KIF3A: variants seen among roughly 807,000 people sequenced by gnomAD.
KIF3A encodes the protein kinesin-like protein KIF3A.
A neutral mutation model predicts 92.6 loss-of-function variants in KIF3A; 27 were observed. The ratio of observed to expected loss-of-function variants is 0.29; its 90% CI spans 0.21 to 0.40. The LOEUF is 0.40. Ranked by LOEUF, KIF3A falls within the 10% of genes least tolerant of loss-of-function variation. The pLI is 1.00. For missense variants in KIF3A, 581 were observed against 872.6 expected (o/e 0.67, Z 4.21); for synonymous variants, 250 against 275.4 (o/e 0.91, Z 0.92).
intron 9 of KIF3A, 49 bp downstream of exon 9, chr5:132,710,910 T>C (rs1433422945): frequency 5.0e-6 from 8 of 1,612,976 alleles, no homozygotes; most frequent in Non-Finnish European, 6.8e-6. Flanking sequence ...CTCTACCACC[T>C]TGTGAAACCA....
In KIF3A at chr5:132,724,806, A is replaced by AAAAAAAATTATAT. The variant is rs59476182; in HGVS notation, c.510+1321_510+1322insATATAATTTTTTT. Among the ~76,000 whole-genome samples the AAAAAAAATTATAT allele has an allele frequency of 1.3e-3, 29 of 22,692 alleles. 2 individuals carry two copies. Among genetic ancestry groups the AAAAAAAATTATAT allele is most frequent in the Non-Finnish European group, 2.1e-3 (25 of 12,154 alleles). The allele number at this position is 22,692 out of a possible 152,430, so 14.9% of individuals were successfully genotyped here. The stretch of plus-strand genomic sequence containing the variant: ...TTAAAGTATAATAAAAAAAAAAAAA[A>AAAAAAAATTATAT]ATATATATATATATATATATATATA... On this transcript the variant is annotated intron_variant, in intron 4 of 18. Transcript: ENST00000403231.
At chr5:132,701,533 G>A (rs1274847600) in intron 15 of KIF3A, among the ~76,000 whole-genome samples, 14 of 144,462 alleles carry the variant, frequency 9.7e-5, no homozygotes, top group Non-Finnish European at 2.0e-4. Context: ...TCATGTTAAA[G>A]TTTACCAAAA....
intron 17 of KIF3A, 144 bp downstream of exon 17, chr5:132,700,072 C>T: frequency 1.6e-6 from 1 of 606,696 alleles, no homozygotes; most frequent in East Asian, 2.8e-5. Context: ...ATCCTAGAGC[C>T]TTTATTCCCA....
In KIF3A at chr5:132,726,515, G is replaced by T. The variant is rs1754038574; in HGVS notation, c.281-17C>A. ...AAATAGTCCCTGAAAATGATGAAGA[G>T]AATCAGTTACTTCTTAAAGTCTAAT... is the stretch of plus-strand genomic sequence containing the variant. On this transcript the variant is annotated splice_polypyrimidine_tract_variant and intron_variant, in intron 2 of 18. Transcript: ENST00000403231. 2 of 1,608,662 alleles carry T rather than the reference G, an allele frequency of 1.2e-6. No individual in the cohort carries two copies. The highest frequency in any genetic ancestry group is 1.3e-5 in the African/African-American group (1 of 74,794).
chr5:132,716,534 A>G, intron 6 of KIF3A, 92 bp from the exon 7 acceptor site: 2 of 1,062,830 alleles, frequency 1.9e-6, no homozygotes, highest in Non-Finnish European at 2.7e-6. Flanking sequence ...TGTAACAGTA[A>G]AAAACCTGAT....
At chr5:132,701,093 T>C (rs1301097582) in intron 15 of KIF3A, among the ~76,000 whole-genome samples, 2 of 150,680 alleles carry the variant, frequency 1.3e-5, no homozygotes, top group African/African-American at 4.9e-5. Flanking sequence ...AAGGAGAATG[T>C]ACCATGAACC....
At position 132,737,471 on chromosome 5, in the gene KIF3A, C is replaced by A; in HGVS notation, c.-52G>T. ...CGTCCCCGCCCGGGGTGCAGCCCAGCGACACCGGGTGCGCAGAAAGGATGG... is the reference window on the plus strand; with the variant it reads ...CGTCCCCGCCCGGGGTGCAGCCCAGAGACACCGGGTGCGCAGAAAGGATGG... On this transcript the variant is annotated 5_prime_UTR_variant, in exon 1 of 19. Transcript: ENST00000403231. 1 of 1,593,068 alleles carries A rather than the reference C, an allele frequency of 6.3e-7. No homozygotes were observed. The highest frequency in any genetic ancestry group is 2.3e-5 in the East Asian group (1 of 42,730).
chr5:132,724,807 A>T (rs1449465382), intron 4 of KIF3A, among the ~76,000 whole-genome samples: 3 of 30,108 alleles, frequency 1.0e-4, no homozygotes, highest in Non-Finnish European at 2.0e-4. Flanking sequence ...AAAAAAAAAA[A>T]TATATATATA....
intron 2 of KIF3A, among the ~76,000 whole-genome samples, chr5:132,727,561 A>T (rs1342529554): frequency 1.3e-5 from 2 of 152,248 alleles, no homozygotes; most frequent in South Asian, 2.1e-4. Flanking sequence ...TGGAAGAAAC[A>T]GAGATGGAAA....
At chr5:132,710,743 C>A (rs1003932435) in intron 9 of KIF3A, among the ~76,000 whole-genome samples, 1 of 152,078 alleles carries the variant, frequency 6.6e-6, no homozygotes, top group African/African-American at 2.4e-5. Context: ...TCTTACAATT[C>A]TAAATTCTAA....
chr5:132,708,787 G>A (rs1753313810), intron 10 of KIF3A, 120 bp downstream of exon 10: 1 of 608,322 alleles, frequency 1.6e-6, no homozygotes, highest in Admixed American at 2.7e-5. Context: ...TTGTTCTACT[G>A]AGGAATCCAA....
intron 11 of KIF3A, among the ~76,000 whole-genome samples, chr5:132,703,952 C>A (rs1753129099): frequency 6.7e-6 from 1 of 149,432 alleles, no homozygotes; most frequent in Admixed American, 6.7e-5. Flanking sequence ...CCCCAGATAA[C>A]AAATATAGGT....
chr5:132,730,391 G>A (rs1021528979), intron 2 of KIF3A, among the ~76,000 whole-genome samples: 1 of 151,836 alleles, frequency 6.6e-6, no homozygotes, highest in Non-Finnish European at 1.5e-5. Context: ...GCTGGAACCC[G>A]GGGAAGCAGA....
intron 7 of KIF3A, 58 bp downstream of exon 7, chr5:132,716,187 G>T: frequency 7.5e-7 from 1 of 1,340,784 alleles, no homozygotes; most frequent in Non-Finnish European, 1.1e-6. Flanking sequence ...TCAATTATTG[G>T]CATAAATTAC....
intron 4 of KIF3A, among the ~76,000 whole-genome samples, chr5:132,724,807 ATATATATATATATATATATATATATAT>A (rs1210261481): frequency 1.0e-4 from 3 of 30,108 alleles, no homozygotes; most frequent in East Asian, 1.3e-3. Flanking sequence ...AAAAAAAAAA[ATATATATATATATATATATATATATAT>A]ATATATATAT....
chr5:132,728,429 C>G (rs1754111203), intron 2 of KIF3A, among the ~76,000 whole-genome samples: 1 of 152,108 alleles, frequency 6.6e-6, no homozygotes, highest in African/African-American at 2.4e-5. Context: ...ATTATTATTA[C>G]TATTATTTAA....
At chr5:132,728,188 T>C (rs1162743890) in intron 2 of KIF3A, among the ~76,000 whole-genome samples, 2 of 151,690 alleles carry the variant, frequency 1.3e-5, no homozygotes, top group African/African-American at 4.9e-5. Context: ...TGCTATGTGC[T>C]AGGTCATGTA....
intron 8 of KIF3A, among the ~76,000 whole-genome samples, chr5:132,712,665 T>A (rs762113341): frequency 6.6e-6 from 1 of 152,170 alleles, no homozygotes; most frequent in Non-Finnish European, 1.5e-5. Flanking sequence ...CCCCACAAGA[T>A]ACATGTTAAT....
chr5:132,716,712 A>T, intron 6 of KIF3A, 133 bp downstream of exon 6: 1 of 1,015,102 alleles, frequency 9.9e-7, no homozygotes, highest in Non-Finnish European at 1.5e-6. Context: ...TTCCATAATA[A>T]ATAATAAACA....
Sources: allele counts gnomAD v4.1 joint callset (sites outside exome capture counted in the v4.1 genomes callset), GRCh38; gene constraint gnomAD v4.1.1; transcripts MANE v1.5; gene names NCBI Gene and HGNC (gene_info 2026-07-23, HGNC 2026-07-21).